The following PTDSS2 variants were observed in gnomAD, a reference collection of about 807,000 sequenced individuals.
PTDSS2 encodes the protein PSS-2.
In PTDSS2, 41 loss-of-function variants were observed where a neutral mutation model predicts 64.7. The ratio of observed to expected loss-of-function variants is 0.63; its 90% confidence interval spans 0.49 to 0.82. PTDSS2 has a LOEUF of 0.82. Ranked by LOEUF, PTDSS2 falls within the 40% of genes least tolerant of loss-of-function variation. The pLI is 0.00. For missense variants in PTDSS2, 485 were observed against 650.0 expected, an observed-to-expected ratio of 0.75 and a Z score of 2.76; for synonymous variants, 297 against 277.8, an observed-to-expected ratio of 1.07 and a Z score of -0.69.
chr11:468,018 C>T (rs1847220281), intron 2 of PTDSS2, among the ~76,000 whole-genome samples: 1 of 152,054 alleles, frequency 6.6e-6, no homozygotes, highest in South Asian at 2.1e-4. Flanking sequence ...CACACATGGT[C>T]CCACCTGTCA....
intron 11 of PTDSS2, 116 bp from the exon 12 acceptor site, chr11:490,304 C>T (rs1410114721): frequency 1.4e-6 from 2 of 1,446,280 alleles, no homozygotes; most frequent in Non-Finnish European, 1.9e-6. Flanking sequence ...GGCCAGGGTA[C>T]CCGGCACCCA....
chr11:489,565 G>A, intron 9 of PTDSS2, 23 bp from the exon 10 acceptor site: 8 of 1,608,168 alleles, frequency 5.0e-6, no homozygotes, highest in Non-Finnish European at 6.8e-6. Flanking sequence ...GCCAGAGCTG[G>A]TGCTCACCCT....
At chr11:455,042 G>A (rs1396274959) in intron 1 of PTDSS2, among the ~76,000 whole-genome samples, 1 of 151,150 alleles carries the variant, frequency 6.6e-6, no homozygotes, top group Non-Finnish European at 1.5e-5. Context: ...GCCTGTGTGT[G>A]GAGTGGTGGC....
Position 479,467 on chromosome 11 carries a change from G to A in PTDSS2, c.435+315G>A. ...AAGGAGGGCAGGGCCAGTGGTGCAGGCACAGAAGAGGGCAGGGCCAGTGGT... is the reference window on the plus strand; with the variant it reads ...AAGGAGGGCAGGGCCAGTGGTGCAGACACAGAAGAGGGCAGGGCCAGTGGT... On this transcript the variant is annotated intron_variant, in intron 4 of 11. Transcript: ENST00000308020. The surrounding 1 kb of genome is among the most constrained non-coding windows in gnomAD (Gnocchi z 4.2). 1 of 455,892 alleles carries A rather than the reference G, an allele frequency of 2.2e-6. No individual in the cohort carries two copies. Among genetic ancestry groups the A allele is most frequent in the East Asian group, 4.3e-5 (1 of 23,074 alleles). 28.2% of individuals were successfully genotyped at this position (455,892 alleles called of 1,614,324 possible).
intron 1 of PTDSS2, among the ~76,000 whole-genome samples, chr11:452,978 G>A (rs1249178616): frequency 6.6e-6 from 1 of 151,926 alleles, no homozygotes; most frequent in Non-Finnish European, 1.5e-5. Context: ...TGATCCTTCC[G>A]CCTCAGCCTC....
intron 7 of PTDSS2, 47 bp from the exon 8 acceptor site, chr11:488,482 G>A (rs1257841324): frequency 6.6e-7 from 1 of 1,525,296 alleles, no homozygotes. Flanking sequence ...TCCTCGGGGG[G>A]CTCGTTACCC....
chr11:478,938 A>G, intron 3 of PTDSS2, 147 bp from the exon 4 acceptor site: 1 of 670,120 alleles, frequency 1.5e-6, no homozygotes, highest in South Asian at 1.9e-5. Flanking sequence ...TCTGAGTTAC[A>G]GCTTTCTTTA....
chr11:490,898 G>A lies in PTDSS2; in HGVS notation c.*316G>A. Reference sequence around the variant, plus strand: ...TCCAGAGCTGGGAGCTGGCTGGCGTGGCAAGGGCATGCTCTGGGGCAGTGT... The same window carrying A: ...TCCAGAGCTGGGAGCTGGCTGGCGTAGCAAGGGCATGCTCTGGGGCAGTGT... On this transcript the variant is annotated 3_prime_UTR_variant, in exon 12 of 12. Coordinates refer to ENST00000308020, the MANE Select transcript of PTDSS2 (RefSeq NM_030783.3). 2.6e-6 allele frequency: 1 copy of A among 384,916 alleles called. No individual in the cohort carries two copies. Among genetic ancestry groups the A allele is most frequent in the East Asian group, 4.8e-5 (1 of 20,790 alleles). 23.8% of individuals were successfully genotyped at this position (384,916 alleles called of 1,614,324 possible). A position where few individuals can be genotyped will look rare whatever the true frequency, so the allele number is the denominator to read the frequency against.
At chr11:473,553 T>C (rs1039750320) in intron 2 of PTDSS2, among the ~76,000 whole-genome samples, 1 of 152,180 alleles carries the variant, frequency 6.6e-6, no homozygotes, top group African/African-American at 2.4e-5. Context: ...GGGCTGCAAA[T>C]GTGAGGGCGA....
intron 1 of PTDSS2, among the ~76,000 whole-genome samples, chr11:456,170 C>CTTTT (rs71022912): frequency 0.073 from 8,390 of 114,636 alleles, 459 homozygotes; most frequent in Non-Finnish European, 0.11. Context: ...TTCTTTCATT[C>CTTTT]TTTTTTTTTT....
intron 2 of PTDSS2, among the ~76,000 whole-genome samples, chr11:464,482 C>T (rs929126976): frequency 3.9e-5 from 6 of 151,962 alleles, no homozygotes; most frequent in Admixed American, 1.3e-4. Flanking sequence ...ATCTCCCCTG[C>T]GCTCAGAGTG....
At chr11:453,818 G>A (rs769878215) in intron 1 of PTDSS2, among the ~76,000 whole-genome samples, 1 of 152,242 alleles carries the variant, frequency 6.6e-6, no homozygotes, top group South Asian at 2.1e-4. Flanking sequence ...GTGGACATGA[G>A]AGTGACCATC....
intron 2 of PTDSS2, among the ~76,000 whole-genome samples, chr11:469,945 T>G (rs1248386810): frequency 6.6e-6 from 1 of 152,028 alleles, no homozygotes; most frequent in Non-Finnish European, 1.5e-5. Flanking sequence ...TAAAGTAGTA[T>G]TAGAATATAA....
chr11:464,823 TATATAAATGTAATACACTTAAA>T, intron 2 of PTDSS2, among the ~76,000 whole-genome samples: 1 of 152,232 alleles, frequency 6.6e-6, no homozygotes, highest in South Asian at 2.1e-4. Context: ...ACATGTAACA[TATATAAATGTAATACACTTAAA>T]ATATAAATAT....
At chr11:464,688 C>T (rs1431479629) in intron 2 of PTDSS2, among the ~76,000 whole-genome samples, 1 of 152,254 alleles carries the variant, frequency 6.6e-6, no homozygotes, top group African/African-American at 2.4e-5. Flanking sequence ...CGGCACCGTT[C>T]ACTGATCTGC....
intron 8 of PTDSS2, 178 bp from the exon 9 acceptor site, chr11:489,222 G>A: frequency 1.6e-6 from 1 of 614,536 alleles, no homozygotes; most frequent in Non-Finnish European, 2.9e-6. Flanking sequence ...GCAGCAGCTG[G>A]GTAACCAGGA....
intron 2 of PTDSS2, among the ~76,000 whole-genome samples, chr11:467,999 C>G (rs1302111016): frequency 6.6e-6 from 1 of 151,794 alleles, no homozygotes; most frequent in Non-Finnish European, 1.5e-5. Context: ...AGCCGAGTGT[C>G]ACAGCACACA....
At chr11:458,122 C>G (rs1325940358) in intron 1 of PTDSS2, among the ~76,000 whole-genome samples, 2 of 151,974 alleles carry the variant, frequency 1.3e-5, no homozygotes. Context: ...TGTGAAGTGT[C>G]TGTTCAATTT....
Position 476,234 on chromosome 11 carries a change from G to T in PTDSS2, c.367+2257G>T, listed in dbSNP as rs550392187. 2.6e-4 allele frequency among the ~76,000 whole-genome samples: 39 copies of T among 152,354 alleles called. No homozygotes were observed. The East Asian group carries it at 7.3e-3, about 29-fold the overall frequency. ...CTGCCCAGCCGGCTGAGCACAGACG[G>T]TCTTGCCTCCAAGGGGTTTGGATTC... On this transcript the variant is annotated intron_variant, in intron 3 of 11. Transcript: ENST00000308020. This position sits in a 1 kb window ranked among gnomAD's most constrained non-coding sequence, Gnocchi z 4.9.
Sources: allele counts gnomAD v4.1 joint callset (sites outside exome capture counted in the v4.1 genomes callset), GRCh38; gene constraint gnomAD v4.1.1; non-coding constraint Gnocchi (gnomAD v3.1); transcripts MANE v1.5; gene names NCBI Gene and HGNC (gene_info 2026-07-23, HGNC 2026-07-21).